CCDC88C: variants seen among roughly 807,000 people sequenced by gnomAD.
The protein encoded by CCDC88C is coiled-coil and HOOK domain protein 88C.
In CCDC88C, 131 loss-of-function variants were observed where a neutral mutation model predicts 198.8. The ratio of observed to expected loss-of-function variants is 0.66; its 90% CI spans 0.57 to 0.76. The LOEUF is 0.76. Among genes scored for constraint, CCDC88C ranks in the 30% least tolerant of loss-of-function variants. The pLI, the probability that CCDC88C is intolerant of heterozygous loss-of-function variation, is 0.00. For missense variants in CCDC88C, 2,553 were observed against 2,631.6 expected (o/e 0.97, Z 0.65); for synonymous variants, 1,166 against 1,114.7 (o/e 1.05, Z -0.92).
chr14:91,415,613 G>A (rs959166223), intron 2 of CCDC88C, among the ~76,000 whole-genome samples: 3 of 151,950 alleles, frequency 2.0e-5, no homozygotes, highest in African/African-American at 7.3e-5. Context: ...CCAGCTACTC[G>A]GGAGGCTGAG....
intron 2 of CCDC88C, among the ~76,000 whole-genome samples, chr14:91,414,368 A>G (rs1463451964): frequency 6.6e-6 from 1 of 152,208 alleles, no homozygotes; most frequent in East Asian, 1.9e-4. Context: ...AGGGAGGCCA[A>G]GGGTTTGAAT....
At chr14:91,416,698 C>CGCACCA (rs746955296) in intron 2 of CCDC88C, 40 bp downstream of exon 2, 16 of 1,428,374 alleles carry the variant, frequency 1.1e-5, no homozygotes, top group Non-Finnish European at 1.5e-5. Flanking sequence ...AACTTTCTAA[C>CGCACCA]GCACCATTCT....
chr14:91,412,332 A>T (rs1373668928), intron 2 of CCDC88C, among the ~76,000 whole-genome samples: 1 of 152,208 alleles, frequency 6.6e-6, no homozygotes, highest in Non-Finnish European at 1.5e-5. Context: ...AAGGCACTAG[A>T]ATATTGACAT....
At chr14:91,333,204 T>C (rs1234707519) in intron 10 of CCDC88C, among the ~76,000 whole-genome samples, 3 of 152,276 alleles carry the variant, frequency 2.0e-5, no homozygotes, top group African/African-American at 7.2e-5. Flanking sequence ...CTTGCTAATA[T>C]TTTAATGGTA....
At chr14:91,362,744 A>G (rs1388948142) in intron 3 of CCDC88C, among the ~76,000 whole-genome samples, 1 of 152,126 alleles carries the variant, frequency 6.6e-6, no homozygotes, top group East Asian at 1.9e-4. Flanking sequence ...CCTGGCTAAC[A>G]TGGTGAAACC....
At chr14:91,406,727 C>A (rs907507635) in intron 3 of CCDC88C, among the ~76,000 whole-genome samples, 10 of 152,272 alleles carry the variant, frequency 6.6e-5, no homozygotes, top group African/African-American at 2.4e-4. Flanking sequence ...AGCCACCAGG[C>A]CCTCATCACA....
chr14:91,339,168 G>T lies in CCDC88C; in HGVS notation c.809+110C>A. The T allele has an allele frequency of 7.5e-7, 1 of 1,329,742 alleles. No homozygotes were observed. 82.4% of individuals were successfully genotyped at this position (1,329,742 alleles called of 1,614,324 possible). On this transcript the variant is annotated intron_variant, in intron 8 of 29. Coordinates refer to ENST00000389857, the MANE Select transcript of CCDC88C (RefSeq NM_001080414.4). This position sits in a 1 kb window ranked among gnomAD's most constrained non-coding sequence, Gnocchi z 5.8. The stretch of plus-strand genomic sequence containing the variant: ...TCAGGGCAGACCCCAGCTGACTCCG[G>T]GGCACACGTCAGAGCTGTGCCATTG...
At chr14:91,279,125 C>A in intron 28 of CCDC88C, 113 bp downstream of exon 28, 1 of 842,732 alleles carries the variant, frequency 1.2e-6, no homozygotes, top group South Asian at 1.5e-5. Flanking sequence ...GTTTCTAACT[C>A]CTGGGCTCAA....
intron 3 of CCDC88C, among the ~76,000 whole-genome samples, chr14:91,390,994 G>A (rs1030322964): frequency 1.2e-4 from 18 of 152,264 alleles, no homozygotes; most frequent in African/African-American, 3.9e-4. Context: ...GAGAATAAAT[G>A]CCACCTAGTG....
intron 3 of CCDC88C, among the ~76,000 whole-genome samples, chr14:91,368,388 T>TGG (rs1255852613): frequency 1.3e-5 from 2 of 152,248 alleles, no homozygotes; most frequent in East Asian, 3.8e-4. Flanking sequence ...CTTGTGTAAG[T>TGG]AGAAGATTGA....
Position 91,408,749 on chromosome 14 carries a change from A to T in CCDC88C, c.180T>A (p.Asn60Lys), listed in dbSNP as rs1462222636. 9.3e-6 allele frequency: 15 copies of T among 1,613,376 alleles called. No homozygotes were observed. The highest frequency in any genetic ancestry group is 4.4e-5 in the South Asian group (4 of 91,056). ...IMLQIDPRPT[N>K]QRINKHVNND... is the part of the protein sequence containing the mutation. Reference sequence around the variant, plus strand: ...TGTTGACGTGCTTATTGATGCGTTGATTTGTGGGCCTGGGATCTCTAGGGG... The same window carrying T: ...TGTTGACGTGCTTATTGATGCGTTGTTTTGTGGGCCTGGGATCTCTAGGGG... The change falls in exon 3 of 30, where the codon AAT becomes AAA. Residue 60 changes from asparagine to lysine, a missense_variant. Coordinates refer to ENST00000389857, the MANE Select transcript of CCDC88C (RefSeq NM_001080414.4).
chr14:91,369,106 G>A (rs1241320696), intron 3 of CCDC88C, among the ~76,000 whole-genome samples: 1 of 152,192 alleles, frequency 6.6e-6, no homozygotes, highest in Non-Finnish European at 1.5e-5. Flanking sequence ...GGAACCTCAG[G>A]CCTGGAGAGC....
intron 1 of CCDC88C, 199 bp downstream of exon 1, chr14:91,417,432 C>G (rs1031414425): frequency 1.4e-4 from 83 of 574,336 alleles, no homozygotes; most frequent in Non-Finnish European, 2.3e-4. Context: ...GCCGGACGCA[C>G]AACGGGGGCG....
rs1285790 is a variant in CCDC88C, at chr14:91,339,049, G to A, written c.809+229C>T. On this transcript the variant is annotated intron_variant, in intron 8 of 29. Transcript: ENST00000389857. The surrounding 1 kb of genome is among the most constrained non-coding windows in gnomAD (Gnocchi z 5.8). The stretch of plus-strand genomic sequence containing the variant: ...TGTGGACAACTTGCACCGTCTGGAC[G>A]GGAGGAAACCCTGAAGACCGGGAAG... The A allele has an allele frequency of 0.01, 6,387 of 630,590 alleles. 61 individuals are homozygous for A. Among genetic ancestry groups the A allele is most frequent in the Middle Eastern group, 0.027 (65 of 2,392 alleles). 39.1% of individuals were successfully genotyped at this position (630,590 alleles called of 1,614,324 possible). A position where few individuals can be genotyped will look rare whatever the true frequency, so the allele number is the denominator to read the frequency against.
intron 3 of CCDC88C, among the ~76,000 whole-genome samples, chr14:91,382,161 T>C (rs1884838622): frequency 6.6e-6 from 1 of 152,130 alleles, no homozygotes; most frequent in Non-Finnish European, 1.5e-5. Context: ...GCAAACACTG[T>C]GTATGGAGCG....
intron 3 of CCDC88C, among the ~76,000 whole-genome samples, chr14:91,398,289 G>C (rs1885968966): frequency 6.6e-6 from 1 of 152,178 alleles, no homozygotes; most frequent in African/African-American, 2.4e-5. Context: ...CAAGAGGTTT[G>C]GGCGTTCAGC....
rs1887078519 is a variant in CCDC88C, at chr14:91,416,738, A to G, written c.161T>C (p.Ile54Thr). Residue 54 changes from isoleucine to threonine, a missense_variant and splice_region_variant, in exon 2 of 30, where the codon ATA (isoleucine) becomes ACA (threonine). Physicochemically the swap from Ile to Thr is moderately conservative, Grantham distance 89 (BLOSUM62 -1). Coordinates refer to ENST00000389857, the MANE Select transcript of CCDC88C (RefSeq NM_001080414.4). ...TTCCTCCGAGAAGAAGGTAACTTAC[A>G]TTTGCAGCATAATTTGGTTCAAAAA... is the stretch of plus-strand genomic sequence containing the variant. ...GIFLNQIMLQ[I>T]DPRPTNQRIN... 1.9e-6 allele frequency: 3 copies of G among 1,600,442 alleles called. No homozygotes were observed. Among genetic ancestry groups the G allele is most frequent in the Non-Finnish European group, 2.6e-6 (3 of 1,167,960 alleles).
At chr14:91,413,196 T>G (rs1009689794) in intron 2 of CCDC88C, among the ~76,000 whole-genome samples, 22 of 152,178 alleles carry the variant, frequency 1.4e-4, no homozygotes, top group African/African-American at 4.3e-4. Flanking sequence ...TGTACAGCAC[T>G]AAGGGCATGG....
At chr14:91,297,001 G>A (rs1056023746) in intron 22 of CCDC88C, among the ~76,000 whole-genome samples, 5 of 152,168 alleles carry the variant, frequency 3.3e-5, no homozygotes, top group African/African-American at 1.2e-4. Flanking sequence ...AGAGATGTAG[G>A]AAGACAGTAT....
Sources: allele counts gnomAD v4.1 joint callset (sites outside exome capture counted in the v4.1 genomes callset), GRCh38; gene constraint gnomAD v4.1.1; non-coding constraint Gnocchi (gnomAD v3.1); transcripts MANE v1.5; gene names NCBI Gene and HGNC (gene_info 2026-07-23, HGNC 2026-07-21).